DLG2: variants seen among roughly 807,000 people sequenced by gnomAD.
DLG2 encodes disks large homolog 2.
Under a neutral mutation model 132.5 loss-of-function variants are expected in DLG2, and 45 were observed. The ratio of observed to expected loss-of-function variants is 0.34; its 90% CI spans 0.27 to 0.44. DLG2 has a LOEUF of 0.44. DLG2 is among the 20% of genes least tolerant of loss of function. DLG2 has a pLI of 1.00. For missense variants in DLG2, 1,045 were observed against 1,196.9 expected (o/e 0.87, Z 1.87); for synonymous variants, 424 against 419.6 (o/e 1.01, Z -0.13).
At chr11:84,092,916 G>C (rs1316094963) in intron 10 of DLG2, among the ~76,000 whole-genome samples, 2 of 151,732 alleles carry the variant, frequency 1.3e-5, no homozygotes, top group East Asian at 3.9e-4. Flanking sequence ...GGCACCTGCA[G>C]TCCCAGCTAC....
chr11:83,483,346 C>A, intron 22 of DLG2: 2 of 1,478,792 alleles, frequency 1.4e-6, no homozygotes, highest in Non-Finnish European at 1.9e-6. Context: ...AGAACAGCCA[C>A]GGAAGAGGAA....
chr11:83,543,311 C>G (rs749388035), intron 19 of DLG2, among the ~76,000 whole-genome samples: 4 of 152,144 alleles, frequency 2.6e-5, no homozygotes, highest in African/African-American at 9.7e-5. Flanking sequence ...CTTCTTTGAT[C>G]CTGTGATGTG....
chr11:84,689,980 G>C (rs2057828387), intron 6 of DLG2, among the ~76,000 whole-genome samples: 1 of 151,926 alleles, frequency 6.6e-6, no homozygotes, highest in Non-Finnish European at 1.5e-5. Flanking sequence ...GAACCTGGAG[G>C]ACATTATGCT....
intron 7 of DLG2, among the ~76,000 whole-genome samples, chr11:84,370,871 T>C (rs2098703394): frequency 6.6e-6 from 1 of 152,144 alleles, no homozygotes; most frequent in Admixed American, 6.6e-5. Flanking sequence ...CACATACTAA[T>C]AAAGACCACT....
chr11:83,774,395 T>C (rs1438584453), intron 18 of DLG2, among the ~76,000 whole-genome samples: 1 of 152,216 alleles, frequency 6.6e-6, no homozygotes, highest in Non-Finnish European at 1.5e-5. Context: ...GCATTTTATA[T>C]GTACGCCTTC....
intron 18 of DLG2, among the ~76,000 whole-genome samples, chr11:83,753,798 ATATCATATATATCATATATATATT>A (rs2093463800): frequency 9.8e-6 from 1 of 101,534 alleles, no homozygotes; most frequent in African/African-American, 5.7e-5. Context: ...TATATATGAT[ATATCATATATATCATATATATATT>A]TCATATATAT....
chr11:84,011,775 A>G (rs1000880165), intron 11 of DLG2, among the ~76,000 whole-genome samples: 33 of 152,238 alleles, frequency 2.2e-4, no homozygotes, highest in South Asian at 1.7e-3. Context: ...GCTATGCTCT[A>G]TGAGTACAAG....
chr11:83,528,357 C>A (rs996456276), intron 21 of DLG2, among the ~76,000 whole-genome samples: 2 of 152,148 alleles, frequency 1.3e-5, no homozygotes, highest in Non-Finnish European at 2.9e-5. Context: ...TCCATACAAG[C>A]TTTCTGGCCT....
intron 6 of DLG2, among the ~76,000 whole-genome samples, chr11:84,652,080 A>G (rs1208006287): frequency 6.6e-6 from 1 of 152,212 alleles, no homozygotes; most frequent in African/African-American, 2.4e-5. Flanking sequence ...CCAGATGATT[A>G]TGAAAGAAGC....
chr11:83,608,105 A>ATACAG (rs199934512), intron 19 of DLG2, among the ~76,000 whole-genome samples: 1,865 of 152,298 alleles, frequency 0.012, 46 homozygotes, highest in African/African-American at 0.042. Flanking sequence ...TTCAGTGTAT[A>ATACAG]TACAGATGCT....
chr11:84,745,313 T>G (rs879630690), intron 6 of DLG2, among the ~76,000 whole-genome samples: 3 of 152,192 alleles, frequency 2.0e-5, no homozygotes, highest in Non-Finnish European at 4.4e-5. Context: ...ATTCTGTTAG[T>G]GCTGTTCTTG....
intron 6 of DLG2, among the ~76,000 whole-genome samples, chr11:85,088,310 T>C (rs2068258170): frequency 6.6e-6 from 1 of 152,196 alleles, no homozygotes; most frequent in African/African-American, 2.4e-5. Context: ...AGAATCAATA[T>C]ATATTTCTGT....
intron 3 of DLG2, among the ~76,000 whole-genome samples, chr11:85,340,520 G>C (rs1239061717): frequency 6.6e-6 from 1 of 152,112 alleles, no homozygotes; most frequent in Non-Finnish European, 1.5e-5. Flanking sequence ...GGATAGCATT[G>C]GGAGAAATAC....
intron 6 of DLG2, among the ~76,000 whole-genome samples, chr11:84,785,044 G>T (rs372384467): frequency 6.6e-6 from 1 of 151,786 alleles, no homozygotes; most frequent in African/African-American, 2.4e-5. Context: ...TTAAAACATC[G>T]CATGGTTCAC....
intron 6 of DLG2, among the ~76,000 whole-genome samples, chr11:84,645,509 C>T (rs1009713132): frequency 6.6e-6 from 1 of 152,148 alleles, no homozygotes; most frequent in African/African-American, 2.4e-5. Flanking sequence ...GCTCTGTCAC[C>T]CAGGCCAGAG....
chr11:83,457,129 AC>A lies in DLG2; in HGVS notation c.*2688del, dbSNP rs898896818. ...CCAGCATGTGTGAAGGTGACATTGC[AC>A]CCCCAGCAAGCCTTCAGGTTGGAGA... On this transcript the variant is annotated 3_prime_UTR_variant, in exon 28 of 28. Transcript: ENST00000376104. 4 of 152,374 alleles carry A rather than the reference AC, an allele frequency of 2.6e-5. No homozygotes were observed. The highest frequency in any genetic ancestry group is 9.7e-5 in the African/African-American group (4 of 41,334). 9.4% of individuals were successfully genotyped at this position (152,374 alleles called of 1,614,324 possible). A position where few individuals can be genotyped will look rare whatever the true frequency, so the allele number is the denominator to read the frequency against.
At chr11:85,000,698 T>C (rs1162116021) in intron 6 of DLG2, among the ~76,000 whole-genome samples, 2 of 152,190 alleles carry the variant, frequency 1.3e-5, no homozygotes, top group African/African-American at 2.4e-5. Context: ...AATTTGAAGA[T>C]TTTTAACTTT....
At chr11:83,828,855 T>A (rs1381227684) in intron 17 of DLG2, among the ~76,000 whole-genome samples, 1 of 151,578 alleles carries the variant, frequency 6.6e-6, no homozygotes, top group Non-Finnish European at 1.5e-5. Flanking sequence ...TTCTTCAGTG[T>A]GTGTGTATAT....
intron 18 of DLG2, among the ~76,000 whole-genome samples, chr11:83,782,969 G>C (rs780739057): frequency 5.3e-5 from 8 of 152,102 alleles, no homozygotes; most frequent in Non-Finnish European, 1.2e-4. Flanking sequence ...TTAAAGGTTT[G>C]ACAATAATTA....
Sources: allele counts gnomAD v4.1 joint callset (sites outside exome capture counted in the v4.1 genomes callset), GRCh38; gene constraint gnomAD v4.1.1; transcripts MANE v1.5; gene names NCBI Gene and HGNC (gene_info 2026-07-23, HGNC 2026-07-21).